R3HDM2: variants seen among roughly 807,000 people sequenced by gnomAD.
R3HDM2 encodes R3H domain-containing protein 2.
A neutral mutation model predicts 124.5 loss-of-function variants in R3HDM2; 38 were observed. The observed-to-expected ratio is 0.31, with a 90% CI of 0.24 to 0.40. The LOEUF is 0.40. Among genes scored for constraint, R3HDM2 ranks in the 10% least tolerant of loss-of-function variants. The pLI, the probability that R3HDM2 is intolerant of heterozygous loss-of-function variation, is 1.00. For synonymous variants in R3HDM2, 391 were observed against 448.0 expected (o/e 0.87, Z 1.61); for missense variants, 869 against 1,236.9 (o/e 0.70, Z 4.46).
At chr12:57,391,992 T>C (rs1254859515) in intron 2 of R3HDM2, among the ~76,000 whole-genome samples, 5 of 152,100 alleles carry the variant, frequency 3.3e-5, no homozygotes, top group Middle Eastern at 3.2e-3. Context: ...CAAAATCCTG[T>C]CTCTACTAAA....
intron 19 of R3HDM2, among the ~76,000 whole-genome samples, chr12:57,265,954 G>A (rs767513184): frequency 6.6e-6 from 1 of 151,898 alleles, no homozygotes; most frequent in Non-Finnish European, 1.5e-5. Context: ...ACGCCACCAT[G>A]CCCAGCTAAT....
In R3HDM2 at chr12:57,296,467, G is replaced by A. The variant is rs2049909532; in HGVS notation, c.645C>T (p.His215=). The A allele has an allele frequency of 6.4e-7, 1 of 1,552,086 alleles. No homozygotes were observed. Among genetic ancestry groups the A allele is most frequent in the African/African-American group, 1.4e-5 (1 of 72,998 alleles). ...HRVAAYFGMD[H]NVDQTGKAVI... is the part of the protein sequence containing the mutation. ...CAGCTTTCCCAGTTTGATCAACATT[G>A]TGGTCCATCCCAAAATAGGCAGCTA... The change falls in exon 9 of 24, where the codon CAC becomes CAT. Residue 215 remains histidine (H), a synonymous_variant. Transcript: ENST00000402412. The surrounding 1 kb of genome is among the most constrained non-coding windows in gnomAD (Gnocchi z 4.5).
intron 2 of R3HDM2, among the ~76,000 whole-genome samples, chr12:57,339,287 A>G (rs146422816): frequency 1.3e-5 from 2 of 152,220 alleles, no homozygotes; most frequent in East Asian, 1.9e-4. Context: ...GTAAGCCACT[A>G]CGTCTGACCC....
Position 57,375,741 on chromosome 12 carries a change from C to T in R3HDM2, c.-36+20008G>A, listed in dbSNP as rs532155112. Among the ~76,000 whole-genome samples, 329 of 150,344 alleles carry T rather than the reference C, an allele frequency of 2.2e-3. 2 individuals carry two copies. Among genetic ancestry groups the T allele is most frequent in the African/African-American group, 7.1e-3 (289 of 40,788 alleles). On this transcript the variant is annotated intron_variant, in intron 2 of 23. Transcript: ENST00000402412. Reference sequence around the variant, plus strand: ...AGGCTGGAGTGCAGCGGTGCAATCTCGGCTCACTACAACCTCTGACTCCCT... The same window carrying T: ...AGGCTGGAGTGCAGCGGTGCAATCTTGGCTCACTACAACCTCTGACTCCCT...
chr12:57,326,391 A>T (rs1043233138), intron 2 of R3HDM2, among the ~76,000 whole-genome samples: 2 of 152,236 alleles, frequency 1.3e-5, no homozygotes, highest in Non-Finnish European at 2.9e-5. Flanking sequence ...GCAAAGGAAA[A>T]GTTCTTGAAA....
intron 1 of R3HDM2, among the ~76,000 whole-genome samples, chr12:57,403,787 C>A (rs1464069961): frequency 6.6e-6 from 1 of 150,992 alleles, no homozygotes; most frequent in African/African-American, 2.4e-5. Context: ...CCACTACACT[C>A]CAGCCTGGGC....
At position 57,349,379 on chromosome 12, in the gene R3HDM2, C is replaced by CAA. The variant is rs1161831845; in HGVS notation, c.-35-38918_-35-38917dup. On this transcript the variant is annotated intron_variant, in intron 2 of 23. Transcript: ENST00000402412. ...TGCCGACAGAGCGAGACTCCGTCTC[C>CAA]AAAAAAAAAAAAAAAAAAAAAAAAA... Among the ~76,000 whole-genome samples the CAA allele has an allele frequency of 7.1e-3, 412 of 57,714 alleles. 29 individuals are homozygous for CAA. Among genetic ancestry groups the CAA allele is most frequent in the African/African-American group, 0.023 (242 of 10,742 alleles). 37.9% of individuals were successfully genotyped at this position (57,714 alleles called of 152,430 possible).
intron 2 of R3HDM2, among the ~76,000 whole-genome samples, chr12:57,322,075 A>C (rs2056542204): frequency 6.6e-6 from 1 of 152,126 alleles, no homozygotes; most frequent in Admixed American, 6.5e-5. Flanking sequence ...AAAAAATACA[A>C]AAATTAGCCG....
chr12:57,373,899 G>C (rs1378988534), intron 2 of R3HDM2, among the ~76,000 whole-genome samples: 1 of 151,392 alleles, frequency 6.6e-6, no homozygotes, highest in Admixed American at 6.6e-5. Context: ...AGGCCGAGGT[G>C]GGCAGATCAT....
chr12:57,270,255 T>C (rs2043286519), intron 14 of R3HDM2, among the ~76,000 whole-genome samples: 1 of 152,124 alleles, frequency 6.6e-6, no homozygotes, highest in African/African-American at 2.4e-5. Context: ...CACAGTCTCA[T>C]TTTGTTGCCC....
At chr12:57,271,001 C>A (rs1310127778) in intron 14 of R3HDM2, among the ~76,000 whole-genome samples, 2 of 152,142 alleles carry the variant, frequency 1.3e-5, no homozygotes, top group South Asian at 2.1e-4. Flanking sequence ...TTTCCTTATG[C>A]CCCCAACCAT....
intron 5 of R3HDM2, 68 bp downstream of exon 5, chr12:57,300,027 T>C: frequency 8.6e-7 from 1 of 1,161,872 alleles, no homozygotes; most frequent in Non-Finnish European, 1.3e-6. Flanking sequence ...TTGCTGTGAC[T>C]GCCATACTAC....
Position 57,254,704 on chromosome 12 carries a change from G to T in R3HDM2, c.*69C>A. The T allele has an allele frequency of 7.5e-7, 1 of 1,337,282 alleles. No individual in the cohort carries two copies. Among genetic ancestry groups the T allele is most frequent in the Non-Finnish European group, 1.0e-6 (1 of 975,180 alleles). 82.8% of individuals were successfully genotyped at this position (1,337,282 alleles called of 1,614,324 possible). ...TACTTCCTGCCTCTGTCCATGGTCT[G>T]TCAGGATCCTTCAACCCCCTCCACC... On this transcript the variant is annotated 3_prime_UTR_variant, in exon 24 of 24. Coordinates refer to ENST00000402412, the MANE Select transcript of R3HDM2 (RefSeq NM_001394031.1).
At chr12:57,393,571 G>A (rs995569204) in intron 2 of R3HDM2, among the ~76,000 whole-genome samples, 3 of 152,210 alleles carry the variant, frequency 2.0e-5, no homozygotes, top group Non-Finnish European at 1.5e-5. Context: ...CAAAGTCTGA[G>A]AGACCTGTGG....
At chr12:57,398,310 T>C (rs2067756950) in intron 1 of R3HDM2, among the ~76,000 whole-genome samples, 1 of 152,158 alleles carries the variant, frequency 6.6e-6, no homozygotes, top group South Asian at 2.1e-4. Context: ...TGAAACAGTT[T>C]TCTAATTGTT....
intron 11 of R3HDM2, 111 bp downstream of exon 11, chr12:57,292,461 T>C: frequency 2.7e-6 from 2 of 738,956 alleles, no homozygotes; most frequent in Non-Finnish European, 4.4e-6. Context: ...TTGGTTAAAA[T>C]AAAACAAACA....
At position 57,299,222 on chromosome 12, in the gene R3HDM2, T is replaced by A. The variant is rs772049048; in HGVS notation, c.421+130A>T. ...GCAAAGAAAGTAACCTCGTTAGGCA[T>A]CTCCTCAAGCAACCAAGTTAGCAGA... is the stretch of plus-strand genomic sequence containing the variant. On this transcript the variant is annotated intron_variant, in intron 6 of 23. Coordinates refer to ENST00000402412, the MANE Select transcript of R3HDM2 (RefSeq NM_001394031.1). The A allele has an allele frequency of 2.5e-4, 264 of 1,048,298 alleles. 1 individual carries two copies. The highest frequency in any genetic ancestry group is 3.5e-4 in the Non-Finnish European group (258 of 739,226). 64.9% of individuals were successfully genotyped at this position (1,048,298 alleles called of 1,614,324 possible).
At chr12:57,330,955 C>T (rs1004841398) in intron 2 of R3HDM2, among the ~76,000 whole-genome samples, 3 of 152,024 alleles carry the variant, frequency 2.0e-5, no homozygotes, top group Non-Finnish European at 4.4e-5. Context: ...GCCTCGGCCT[C>T]CCAAAGTGCT....
intron 2 of R3HDM2, among the ~76,000 whole-genome samples, chr12:57,379,495 G>C (rs1041162812): frequency 1.3e-5 from 2 of 152,076 alleles, no homozygotes; most frequent in African/African-American, 2.4e-5. Flanking sequence ...CAGGAGAACA[G>C]CTTGAACCTG....
Sources: gnomAD v4.1 joint callset for allele counts (sites outside exome capture counted in the v4.1 genomes callset) on GRCh38, gnomAD v4.1.1 for gene constraint, Gnocchi (gnomAD v3.1) non-coding constraint, MANE v1.5 for transcripts, NCBI Gene and HGNC (gene_info 2026-07-23, HGNC 2026-07-21) for gene names.